The following LOC128462377 variants were observed in gnomAD, a reference collection of about 807,000 sequenced individuals.
At chr16:89,407,955 T>A in the LOC128462377 span, among the ~76,000 whole-genome samples, 1 of 152,078 alleles carries the variant, frequency 6.6e-6, no homozygotes, top group African/African-American at 2.4e-5. Flanking sequence ...ACTGATAAGT[T>A]TTTAAGTAAA....
chr16:89,358,766 C>A, the LOC128462377 span, among the ~76,000 whole-genome samples: 6 of 152,158 alleles, frequency 3.9e-5, no homozygotes, highest in Non-Finnish European at 8.8e-5. Flanking sequence ...CACGTGCAAA[C>A]CACTTCCCCT....
At chr16:89,322,158 G>GC in the LOC128462377 span, among the ~76,000 whole-genome samples, 39 of 152,236 alleles carry the variant, frequency 2.6e-4, no homozygotes, top group African/African-American at 9.4e-4. Flanking sequence ...GGAGGCTGGC[G>GC]CCCCCAACCC....
At chr16:89,400,019 C>T in the LOC128462377 span, among the ~76,000 whole-genome samples, 1 of 148,474 alleles carries the variant, frequency 6.7e-6, no homozygotes, top group South Asian at 2.2e-4. Flanking sequence ...CCAGGCTTCC[C>T]TGCGCTGGAG....
the LOC128462377 span, among the ~76,000 whole-genome samples, chr16:89,388,926 T>A: frequency 2.0e-5 from 3 of 152,140 alleles, no homozygotes; most frequent in Non-Finnish European, 4.4e-5. Flanking sequence ...ACTATGTGGA[T>A]CCCAGAACAA....
the LOC128462377 span, among the ~76,000 whole-genome samples, chr16:89,402,808 G>T: frequency 3.5e-5 from 5 of 141,012 alleles, no homozygotes; most frequent in Non-Finnish European, 7.7e-5. Context: ...GGGGTTCTGC[G>T]GAATGAGGTT....
the LOC128462377 span, among the ~76,000 whole-genome samples, chr16:89,339,440 G>C: frequency 1.3e-5 from 2 of 152,154 alleles, no homozygotes; most frequent in African/African-American, 4.8e-5. Flanking sequence ...AGATCTGAAA[G>C]CCCCATGGTC....
the LOC128462377 span, among the ~76,000 whole-genome samples, chr16:89,320,638 G>A: frequency 1.3e-5 from 2 of 151,924 alleles, no homozygotes; most frequent in Non-Finnish European, 2.9e-5. Flanking sequence ...TCCCCCACAC[G>A]AGCCACTGGC....
At chr16:89,354,214 C>CAT in the LOC128462377 span, among the ~76,000 whole-genome samples, 3 of 135,288 alleles carry the variant, frequency 2.2e-5, no homozygotes, top group South Asian at 2.3e-4. Context: ...ACAAATTTTA[C>CAT]ATATATATAA....
the LOC128462377 span, among the ~76,000 whole-genome samples, chr16:89,417,786 C>G: frequency 1.3e-5 from 2 of 151,546 alleles, no homozygotes; most frequent in African/African-American, 4.9e-5. Context: ...CACCAGGATC[C>G]TAACGAGCAG....
the LOC128462377 span, among the ~76,000 whole-genome samples, chr16:89,381,354 A>ATGGGG: frequency 8.0e-6 from 1 of 125,338 alleles, no homozygotes; most frequent in South Asian, 2.4e-4. Flanking sequence ...AAAAAAAAAA[A>ATGGGG]GGGGTGAGAA....
At chr16:89,365,873 T>C in the LOC128462377 span, among the ~76,000 whole-genome samples, 1 of 151,970 alleles carries the variant, frequency 6.6e-6, no homozygotes, top group African/African-American at 2.4e-5. Flanking sequence ...CCCCCAACCC[T>C]CAAGCAGACC....
At chr16:89,388,027 A>AG in the LOC128462377 span, among the ~76,000 whole-genome samples, 1 of 151,808 alleles carries the variant, frequency 6.6e-6, no homozygotes, top group Non-Finnish European at 1.5e-5. Context: ...AAAAAAAAAA[A>AG]GGACTGTGCT....
chr16:89,319,742 C>G, the LOC128462377 span, among the ~76,000 whole-genome samples: 1 of 152,256 alleles, frequency 6.6e-6, no homozygotes, highest in South Asian at 2.1e-4. Context: ...CCATCTAGCC[C>G]AGGCTACACC....
the LOC128462377 span, among the ~76,000 whole-genome samples, chr16:89,375,078 A>G: frequency 6.6e-6 from 1 of 152,216 alleles, no homozygotes; most frequent in African/African-American, 2.4e-5. Context: ...GCAGAGGGAA[A>G]CGTAAACAAA....
At chr16:89,404,282 C>G in the LOC128462377 span, among the ~76,000 whole-genome samples, 3 of 152,096 alleles carry the variant, frequency 2.0e-5, no homozygotes, top group Non-Finnish European at 2.9e-5. Context: ...CACTAAATCA[C>G]CAGCAAAGAC....
chr16:89,366,691 G>T, the LOC128462377 span, among the ~76,000 whole-genome samples: 1 of 152,184 alleles, frequency 6.6e-6, no homozygotes, highest in Non-Finnish European at 1.5e-5. Flanking sequence ...TCTAGACAGA[G>T]GTGCGGCACA....
the LOC128462377 span, among the ~76,000 whole-genome samples, chr16:89,348,135 T>C: frequency 6.6e-6 from 1 of 152,104 alleles, no homozygotes; most frequent in African/African-American, 2.4e-5. Flanking sequence ...TTTCACCATG[T>C]TGCCCAAGCT....
chr16:89,389,323 C>A, the LOC128462377 span, among the ~76,000 whole-genome samples: 1 of 151,922 alleles, frequency 6.6e-6, no homozygotes, highest in Non-Finnish European at 1.5e-5. Flanking sequence ...CCACACCCGA[C>A]CTACAACTTT....
the LOC128462377 span, among the ~76,000 whole-genome samples, chr16:89,348,427 G>T: frequency 3.8e-4 from 58 of 152,130 alleles, no homozygotes; most frequent in Admixed American, 1.1e-3. Context: ...ATTAATGTGG[G>T]TGTTTCTCTA....
Sources: allele counts gnomAD v4.1 joint callset (sites outside exome capture counted in the v4.1 genomes callset), GRCh38; gene constraint gnomAD v4.1.1; transcripts MANE v1.5.